The following ARMC3 variants were observed in gnomAD, a reference collection of about 807,000 sequenced individuals.
The protein encoded by ARMC3 is armadillo repeat-containing protein 3.
ARMC3 carries 74 observed loss-of-function variants against 90.3 expected under a neutral mutation model. The observed-to-expected ratio is 0.82, with a 90% CI of 0.68 to 0.99. The LOEUF is 0.99. Ranked by LOEUF, ARMC3 falls within the 50% of genes least tolerant of loss-of-function variation. ARMC3 has a pLI of 0.00. For synonymous variants in ARMC3, 334 were observed against 361.8 expected (o/e 0.92, Z 0.87); for missense variants, 958 against 1,042.8 (o/e 0.92, Z 1.12).
intron 16 of ARMC3, among the ~76,000 whole-genome samples, chr10:23,023,714 C>A (rs1838600706): frequency 6.6e-6 from 1 of 151,962 alleles, no homozygotes; most frequent in Admixed American, 6.6e-5. Context: ...AAAAGTCTCA[C>A]TGGAAGGATA....
intron 3 of ARMC3, among the ~76,000 whole-genome samples, chr10:22,948,733 G>C (rs144203651): frequency 6.6e-6 from 1 of 152,204 alleles, no homozygotes; most frequent in African/African-American, 2.4e-5. Flanking sequence ...CATAGCACTG[G>C]AAAAGGTAAC....
chr10:22,992,586 C>A (rs891047317), intron 10 of ARMC3, among the ~76,000 whole-genome samples: 1 of 152,070 alleles, frequency 6.6e-6, no homozygotes, highest in Non-Finnish European at 1.5e-5. Flanking sequence ...AATAATATTT[C>A]TTTAAAAGAA....
intron 3 of ARMC3, among the ~76,000 whole-genome samples, chr10:22,951,998 G>A (rs748208441): frequency 5.9e-5 from 9 of 151,970 alleles, no homozygotes; most frequent in East Asian, 1.9e-4. Context: ...GGTGGCATGC[G>A]TCTGTAGTCC....
Position 23,037,628 on chromosome 10 carries a change from G to A in ARMC3, c.*149G>A. 2.5e-6 allele frequency: 2 copies of A among 785,106 alleles called. No individual in the cohort carries two copies. Among genetic ancestry groups the A allele is most frequent in the South Asian group, 2.9e-5 (1 of 34,250 alleles). The allele number at this position is 785,106 out of a possible 1,614,324, so 48.6% of individuals were successfully genotyped here. A position where few individuals can be genotyped will look rare whatever the true frequency, so the allele number is the denominator to read the frequency against. ...TCTCTGCGTAGAAATTAGGAAGCTT[G>A]GAGTGAACTTTGCTGTGCTTCTGAT... On this transcript the variant is annotated 3_prime_UTR_variant, in exon 19 of 19. Transcript: ENST00000298032.
At chr10:23,006,428 G>T (rs1837617785) in intron 13 of ARMC3, among the ~76,000 whole-genome samples, 1 of 152,176 alleles carries the variant, frequency 6.6e-6, no homozygotes, top group South Asian at 2.1e-4. Context: ...ATTGGAAAAA[G>T]ATCTCAAAAG....
At chr10:22,928,329 C>G (rs371621951) in intron 1 of ARMC3, among the ~76,000 whole-genome samples, 1 of 152,080 alleles carries the variant, frequency 6.6e-6, no homozygotes, top group East Asian at 1.9e-4. Context: ...AACTGAGGCC[C>G]GAGAGGGGAT....
At chr10:23,017,072 T>A (rs1242600238) in intron 16 of ARMC3, among the ~76,000 whole-genome samples, 1 of 60,304 alleles carries the variant, frequency 1.7e-5, no homozygotes, top group African/African-American at 4.9e-5. Context: ...AATGTCCAAT[T>A]TATTATTTTT....
chr10:22,981,840 C>T, intron 10 of ARMC3, 140 bp downstream of exon 10: 3 of 709,322 alleles, frequency 4.2e-6, no homozygotes, highest in Non-Finnish European at 6.8e-6. Context: ...TTCAGAATCC[C>T]TTATGAAACA....
At chr10:23,035,427 A>C (rs1195854178) in intron 18 of ARMC3, among the ~76,000 whole-genome samples, 1 of 152,112 alleles carries the variant, frequency 6.6e-6, no homozygotes, top group Non-Finnish European at 1.5e-5. Context: ...TCACATCTCA[A>C]CTGAGTCATG....
chr10:23,029,010 A>G (rs1028520756), intron 16 of ARMC3, among the ~76,000 whole-genome samples: 1 of 152,158 alleles, frequency 6.6e-6, no homozygotes, highest in African/African-American at 2.4e-5. Flanking sequence ...CCATATCTAC[A>G]GCCAAATAGC....
chr10:22,959,665 C>G (rs1005971170), intron 6 of ARMC3, 91 bp downstream of exon 6: 17 of 1,283,570 alleles, frequency 1.3e-5, no homozygotes, highest in Admixed American at 1.2e-4. Flanking sequence ...TAAAAATGCA[C>G]CAGTTTTGCA....
chr10:23,012,813 TA>T (rs1172745214), intron 16 of ARMC3, among the ~76,000 whole-genome samples: 1 of 151,952 alleles, frequency 6.6e-6, no homozygotes, highest in Non-Finnish European at 1.5e-5. Flanking sequence ...TATCGTACTG[TA>T]AATCCTCCCA....
At chr10:23,001,634 C>T (rs1353582716) in intron 11 of ARMC3, among the ~76,000 whole-genome samples, 4 of 152,110 alleles carry the variant, frequency 2.6e-5, no homozygotes, top group Non-Finnish European at 4.4e-5. Flanking sequence ...GGGCATCCCA[C>T]GGGTGGGCAG....
intron 7 of ARMC3, among the ~76,000 whole-genome samples, chr10:22,963,599 T>A (rs1226101129): frequency 1.3e-5 from 2 of 151,760 alleles, no homozygotes; most frequent in Non-Finnish European, 2.9e-5. Context: ...CACAAAAGAC[T>A]AACAAACTGG....
chr10:22,947,038 G>A (rs1463595411), intron 3 of ARMC3, among the ~76,000 whole-genome samples: 1 of 151,984 alleles, frequency 6.6e-6, no homozygotes, highest in Non-Finnish European at 1.5e-5. Flanking sequence ...ATGTGTAGTG[G>A]TGCATGCTTT....
intron 3 of ARMC3, among the ~76,000 whole-genome samples, chr10:22,950,815 C>G (rs763375782): frequency 3.3e-5 from 5 of 151,642 alleles, no homozygotes; most frequent in Non-Finnish European, 7.4e-5. Flanking sequence ...AAAAGAAAGC[C>G]CAAGCATTAG....
intron 3 of ARMC3, among the ~76,000 whole-genome samples, chr10:22,949,330 C>T (rs543107866): frequency 2.2e-4 from 33 of 151,920 alleles, no homozygotes; most frequent in African/African-American, 7.2e-4. Flanking sequence ...ATCAAATTGA[C>T]CTAGATGTTA....
intron 16 of ARMC3, among the ~76,000 whole-genome samples, chr10:23,014,887 T>C (rs1311794760): frequency 2.2e-5 from 1 of 46,068 alleles, no homozygotes; most frequent in Admixed American, 2.6e-4. Flanking sequence ...AGATAATCTG[T>C]ACAAAAAAAA....
At chr10:23,015,881 T>C (rs1445801260) in intron 16 of ARMC3, among the ~76,000 whole-genome samples, 2 of 152,234 alleles carry the variant, frequency 1.3e-5, no homozygotes, top group Non-Finnish European at 2.9e-5. Context: ...CAAATACTTA[T>C]TGAGCGCCTT....
Sources: gnomAD v4.1 joint callset for allele counts (sites outside exome capture counted in the v4.1 genomes callset) on GRCh38, gnomAD v4.1.1 for gene constraint, MANE v1.5 for transcripts, NCBI Gene and HGNC (gene_info 2026-07-23, HGNC 2026-07-21) for gene names.